PEAK1: variants seen among roughly 807,000 people sequenced by gnomAD.
PEAK1 encodes the protein pseudopodium enriched atypical kinase 1.
A neutral mutation model predicts 124.7 loss-of-function variants in PEAK1; 54 were observed. The observed-to-expected ratio is 0.43, with a 90% CI of 0.35 to 0.54. PEAK1 has a LOEUF of 0.54. Among genes scored for constraint, PEAK1 ranks in the 20% least tolerant of loss-of-function variants. The pLI, the probability that PEAK1 is intolerant of heterozygous loss-of-function variation, is 0.01. For missense variants in PEAK1, 2,046 were observed against 2,134.5 expected (o/e 0.96, Z 0.82); for synonymous variants, 719 against 760.0 (o/e 0.95, Z 0.89).
chr15:77,158,215 A>G (rs2055324765), intron 8 of PEAK1: 2 of 332,768 alleles, frequency 6.0e-6, no homozygotes, highest in Admixed American at 8.3e-5. Context: ...CACTGTATTT[A>G]TATTACACTG....
chr15:77,337,085 C>T, intron 2 of PEAK1: 3 of 971,034 alleles, frequency 3.1e-6, no homozygotes, highest in Non-Finnish European at 3.7e-6. Flanking sequence ...AAAGAGAAGA[C>T]AACAAAGTAA....
chr15:77,262,705 G>C (rs1360590749), intron 5 of PEAK1, among the ~76,000 whole-genome samples: 13 of 151,696 alleles, frequency 8.6e-5, no homozygotes, highest in Non-Finnish European at 1.9e-4. Context: ...GAGACAGAAA[G>C]TTAACAAGGA....
intron 2 of PEAK1, chr15:77,334,609 T>C: frequency 1.0e-6 from 1 of 985,362 alleles, no homozygotes; most frequent in South Asian, 4.7e-5. Context: ...ATGCCTACAA[T>C]TACGAAAAGT....
chr15:77,311,273 G>A (rs1161952624), intron 2 of PEAK1, among the ~76,000 whole-genome samples: 1 of 152,204 alleles, frequency 6.6e-6, no homozygotes, highest in African/African-American at 2.4e-5. Context: ...TGAGAATTCA[G>A]AAGTTTTCTG....
chr15:77,124,138 G>C (rs992337156), intron 9 of PEAK1, among the ~76,000 whole-genome samples: 1 of 152,190 alleles, frequency 6.6e-6, no homozygotes, highest in Non-Finnish European at 1.5e-5. Flanking sequence ...CTTCTTCTGA[G>C]TCTTCATTCT....
intron 8 of PEAK1, among the ~76,000 whole-genome samples, chr15:77,153,085 T>C (rs2152774518): frequency 6.6e-6 from 1 of 152,288 alleles, no homozygotes; most frequent in East Asian, 1.9e-4. Context: ...TCCTTGTACC[T>C]CTGGTAGAAT....
chr15:77,205,133 T>G, intron 6 of PEAK1: 1 of 276,026 alleles, frequency 3.6e-6, no homozygotes, highest in Admixed American at 5.1e-5. Context: ...GTGGTCACTA[T>G]TTCTCTTCTT....
chr15:77,371,158 TA>T, intron 1 of PEAK1: 2 of 973,840 alleles, frequency 2.1e-6, no homozygotes, highest in South Asian at 9.5e-5. Context: ...GGGCTGAAAG[TA>T]AAAACTTCAT....
chr15:77,275,261 TAA>T (rs1333623529), intron 5 of PEAK1, among the ~76,000 whole-genome samples: 1 of 152,140 alleles, frequency 6.6e-6, no homozygotes, highest in Non-Finnish European at 1.5e-5. Context: ...AAATCACCAC[TAA>T]AGAACTTATT....
intron 2 of PEAK1, chr15:77,335,304 G>C (rs756656227): frequency 3.0e-6 from 3 of 985,306 alleles, no homozygotes; most frequent in Non-Finnish European, 3.6e-6. Context: ...TGGGTTTTCT[G>C]GCATGAGTGG....
At chr15:77,244,657 C>T (rs2060500182) in intron 6 of PEAK1, among the ~76,000 whole-genome samples, 1 of 151,850 alleles carries the variant, frequency 6.6e-6, no homozygotes, top group African/African-American at 2.4e-5. Context: ...GGCACAATCT[C>T]GGCTCGCTGC....
intron 2 of PEAK1, among the ~76,000 whole-genome samples, chr15:77,320,509 T>C (rs1014059744): frequency 1.3e-5 from 2 of 152,254 alleles, no homozygotes; most frequent in South Asian, 4.1e-4. Flanking sequence ...CTAGACAAAA[T>C]AAAATAGAAT....
chr15:77,271,405 G>A (rs930064952), intron 5 of PEAK1, among the ~76,000 whole-genome samples: 14 of 152,048 alleles, frequency 9.2e-5, no homozygotes, highest in South Asian at 4.1e-4. Context: ...TAGAAATACC[G>A]TTTGACCCAG....
intron 2 of PEAK1, chr15:77,352,196 G>GCAAA: frequency 3.0e-6 from 3 of 985,212 alleles, no homozygotes; most frequent in Non-Finnish European, 3.6e-6. Context: ...GGGTGACAGA[G>GCAAA]CAAACCCTGT....
intron 2 of PEAK1, among the ~76,000 whole-genome samples, chr15:77,330,662 C>T (rs1057432741): frequency 3.3e-5 from 5 of 152,154 alleles, no homozygotes; most frequent in African/African-American, 4.8e-5. Context: ...GTAAACATTG[C>T]TCTCTTCCTC....
In PEAK1 at chr15:77,115,338, A is replaced by G. The variant is rs1375438953; in HGVS notation, c.4078-19T>C. 1 of 1,596,376 alleles carries G rather than the reference A, an allele frequency of 6.3e-7. No homozygotes were observed. Among genetic ancestry groups the G allele is most frequent in the Non-Finnish European group, 8.6e-7 (1 of 1,166,854 alleles). On this transcript the variant is annotated intron_variant, in intron 9 of 9. Transcript: ENST00000682557. ...TACAGATCTGAAAGATAATAAAACA[A>G]TTCAAAACTCACACTCTCATAACCA... is the stretch of plus-strand genomic sequence containing the variant.
Position 77,133,813 on chromosome 15 carries a change from A to G in PEAK1, c.3332-63T>C. ...GTAAAGTTTTCAATCTAATTTTATA[A>G]CTGAAACTTGAGCAGAAATGAGTGA... On this transcript the variant is annotated intron_variant, in intron 8 of 9. Coordinates refer to ENST00000682557, the MANE Select transcript of PEAK1 (RefSeq NM_001385026.1). This position sits in a 1 kb window ranked among gnomAD's most constrained non-coding sequence, Gnocchi z 4.2. The G allele has an allele frequency of 6.8e-7, 1 of 1,473,956 alleles. No individual in the cohort carries two copies. The highest frequency in any genetic ancestry group is 1.4e-5 in the South Asian group (1 of 69,122). The allele number at this position is 1,473,956 out of a possible 1,614,324, so 91.3% of individuals were successfully genotyped here.
chr15:77,136,193 T>C (rs1313921314), intron 8 of PEAK1, among the ~76,000 whole-genome samples: 1 of 152,196 alleles, frequency 6.6e-6, no homozygotes, highest in African/African-American at 2.4e-5. Context: ...ACTCTTGTTA[T>C]GTTTTAGCAA....
intron 2 of PEAK1, among the ~76,000 whole-genome samples, chr15:77,317,687 A>G (rs1056354253): frequency 3.3e-5 from 5 of 152,234 alleles, no homozygotes; most frequent in African/African-American, 1.2e-4. Context: ...ACAAATTATC[A>G]AAGTTGAGAT....
Sources: gnomAD v4.1 joint callset for allele counts (sites outside exome capture counted in the v4.1 genomes callset) on GRCh38, gnomAD v4.1.1 for gene constraint, Gnocchi (gnomAD v3.1) non-coding constraint, MANE v1.5 for transcripts, NCBI Gene and HGNC (gene_info 2026-07-23, HGNC 2026-07-21) for gene names.